SH3RF3: variants seen among roughly 807,000 people sequenced by gnomAD.
SH3RF3 encodes E3 ubiquitin-protein ligase SH3RF3.
Under a neutral mutation model 66.3 loss-of-function variants are expected in SH3RF3, and 29 were observed. The observed-to-expected ratio is 0.44, with a 90% CI of 0.33 to 0.60. The LOEUF (loss-of-function observed/expected upper bound fraction) is 0.60. Ranked by LOEUF, SH3RF3 falls within the 20% of genes least tolerant of loss-of-function variation. SH3RF3 has a pLI of 0.04. For missense variants in SH3RF3, 1,194 were observed against 1,190.9 expected, an observed-to-expected ratio of 1.00 and a Z score of -0.04; for synonymous variants, 583 against 532.0, an observed-to-expected ratio of 1.10 and a Z score of -1.32.
At chr2:109,182,651 A>T (rs966268651) in intron 1 of SH3RF3, among the ~76,000 whole-genome samples, 1 of 152,252 alleles carries the variant, frequency 6.6e-6, no homozygotes, top group East Asian at 1.9e-4. Context: ...GTGGGTAAGT[A>T]ATGGCTCCAG....
chr2:109,352,436 C>T (rs527306799), intron 2 of SH3RF3, among the ~76,000 whole-genome samples: 12 of 152,210 alleles, frequency 7.9e-5, no homozygotes, highest in Non-Finnish European at 8.8e-5. Flanking sequence ...GTGGAGGCCA[C>T]GGTCCCCTCA....
intron 1 of SH3RF3, among the ~76,000 whole-genome samples, chr2:109,247,710 T>G (rs1188321000): frequency 1.3e-5 from 2 of 152,240 alleles, no homozygotes; most frequent in Non-Finnish European, 2.9e-5. Context: ...CTATATGTTT[T>G]TCCCTGTATC....
chr2:109,135,691 G>A (rs923759901), intron 1 of SH3RF3, among the ~76,000 whole-genome samples: 1 of 152,106 alleles, frequency 6.6e-6, no homozygotes, highest in African/African-American at 2.4e-5. Context: ...TGTGTTGTGA[G>A]TCTGATATCA....
intron 7 of SH3RF3, among the ~76,000 whole-genome samples, chr2:109,441,162 A>G (rs1240414184): frequency 2.0e-5 from 3 of 150,674 alleles, no homozygotes; most frequent in Admixed American, 1.3e-4. Context: ...GCTCTCAACA[A>G]CATAAAAATC....
chr2:109,342,845 A>G (rs958850038), intron 1 of SH3RF3, among the ~76,000 whole-genome samples: 2 of 152,260 alleles, frequency 1.3e-5, no homozygotes, highest in African/African-American at 4.8e-5. Context: ...GTAATGAGCC[A>G]TGAAATTGAC....
chr2:109,205,508 C>A (rs1678791244), intron 1 of SH3RF3, among the ~76,000 whole-genome samples: 2 of 152,156 alleles, frequency 1.3e-5, no homozygotes, highest in Non-Finnish European at 2.9e-5. Flanking sequence ...CATCCACCTC[C>A]CAAAGTGCTG....
At chr2:109,354,466 T>A (rs1248454935) in intron 2 of SH3RF3, among the ~76,000 whole-genome samples, 2 of 152,252 alleles carry the variant, frequency 1.3e-5, no homozygotes, top group Non-Finnish European at 2.9e-5. Flanking sequence ...AGGGACTGCT[T>A]CTGGCATTTT....
rs150253909 is a variant in SH3RF3, at chr2:109,210,034, A to G, written c.573+79921A>G. 5.2e-4 allele frequency among the ~76,000 whole-genome samples: 79 copies of G among 152,324 alleles called. No individual in the cohort carries two copies. In the Middle Eastern group the frequency reaches 0.01, roughly 20 times the overall value. On this transcript the variant is annotated intron_variant, in intron 1 of 9. Coordinates refer to ENST00000309415, the MANE Select transcript of SH3RF3 (RefSeq NM_001099289.3). The stretch of plus-strand genomic sequence containing the variant: ...TTCTGTCTCTGTGAATGACTATTCT[A>G]GGGACCGCAGAGTCAAACAGTATTT...
At chr2:109,245,174 C>A (rs1679886545) in intron 1 of SH3RF3, among the ~76,000 whole-genome samples, 1 of 152,168 alleles carries the variant, frequency 6.6e-6, no homozygotes, top group African/African-American at 2.4e-5. Context: ...TGGGTTCTTG[C>A]CATGTGGCTT....
intron 8 of SH3RF3, among the ~76,000 whole-genome samples, chr2:109,454,198 C>A (rs1023365073): frequency 1.3e-5 from 2 of 152,332 alleles, no homozygotes; most frequent in Non-Finnish European, 2.9e-5. Context: ...GAAATACTTA[C>A]AACAATTACA....
chr2:109,437,034 C>G lies in SH3RF3; in HGVS notation c.1716C>G (p.Ile572Met). 1 of 1,613,890 alleles carries G rather than the reference C, an allele frequency of 6.2e-7. No individual in the cohort carries two copies. ...LATATRPALP[I>M]TTPQAHAQHP... ...CTGCCACCAGGCCCGCCCTGCCCATCACCACTCCCCAGGCCCACGCCCAGC... is the reference window on the plus strand; with the variant it reads ...CTGCCACCAGGCCCGCCCTGCCCATGACCACTCCCCAGGCCCACGCCCAGC... Residue 572 changes from isoleucine (I) to methionine (M), a missense_variant, in exon 7 of 10, where the codon ATC (isoleucine) becomes ATG (methionine). Physicochemically the swap from Ile to Met is conservative, Grantham distance 10. Coordinates refer to ENST00000309415, the MANE Select transcript of SH3RF3 (RefSeq NM_001099289.3).
At chr2:109,352,980 G>C (rs1174036993) in intron 2 of SH3RF3, among the ~76,000 whole-genome samples, 2 of 152,246 alleles carry the variant, frequency 1.3e-5, no homozygotes, top group East Asian at 3.9e-4. Flanking sequence ...CTCTCCATGG[G>C]CACGCCTGGC....
chr2:109,410,808 C>T (rs564449444), intron 4 of SH3RF3, among the ~76,000 whole-genome samples: 2 of 152,050 alleles, frequency 1.3e-5, no homozygotes, highest in Non-Finnish European at 2.9e-5. Flanking sequence ...GGCGCGACTT[C>T]GTGGGAGACA....
chr2:109,374,228 C>G (rs929468362), intron 3 of SH3RF3, among the ~76,000 whole-genome samples: 1 of 152,168 alleles, frequency 6.6e-6, no homozygotes. Flanking sequence ...CCCAAGCATC[C>G]TTGGGCAGGG....
At chr2:109,236,840 G>T (rs1049039042) in intron 1 of SH3RF3, among the ~76,000 whole-genome samples, 2 of 152,194 alleles carry the variant, frequency 1.3e-5, no homozygotes, top group African/African-American at 4.8e-5. Context: ...GATCAAAATT[G>T]CAGGTACAGT....
chr2:109,442,631 A>G (rs998424194), intron 7 of SH3RF3, among the ~76,000 whole-genome samples: 1 of 152,218 alleles, frequency 6.6e-6, no homozygotes, highest in Admixed American at 6.5e-5. Context: ...ACATTCTTAT[A>G]CTATGAATCT....
chr2:109,227,282 A>G (rs571973226), intron 1 of SH3RF3, among the ~76,000 whole-genome samples: 2 of 152,184 alleles, frequency 1.3e-5, no homozygotes, highest in South Asian at 4.1e-4. Flanking sequence ...AGCTAGAAGA[A>G]GCTCTGTGAA....
At chr2:109,164,320 A>T (rs1008554032) in intron 1 of SH3RF3, among the ~76,000 whole-genome samples, 4 of 152,130 alleles carry the variant, frequency 2.6e-5, no homozygotes, top group Non-Finnish European at 5.9e-5. Context: ...AGTAGCTAGG[A>T]CTACAGCACA....
intron 1 of SH3RF3, among the ~76,000 whole-genome samples, 183 bp downstream of exon 1, chr2:109,130,296 G>A (rs1208302349): frequency 6.6e-6 from 1 of 152,206 alleles, no homozygotes; most frequent in Non-Finnish European, 1.5e-5. Flanking sequence ...TGGGCAGCTC[G>A]CCGCTTGTTC....
Sources: gnomAD v4.1 joint callset for allele counts (sites outside exome capture counted in the v4.1 genomes callset) on GRCh38, gnomAD v4.1.1 for gene constraint, MANE v1.5 for transcripts, NCBI Gene and HGNC (gene_info 2026-07-23, HGNC 2026-07-21) for gene names.